MYBL1: variants seen among roughly 807,000 people sequenced by gnomAD.
MYBL1 encodes MYB proto-oncogene like 1, also known as myb-related protein A.
Under a neutral mutation model 96.3 loss-of-function variants are expected in MYBL1, and 17 were observed. The ratio of observed to expected loss-of-function variants is 0.18; its 90% CI spans 0.12 to 0.26. The LOEUF is 0.26. Among genes scored for constraint, MYBL1 ranks in the 10% least tolerant of loss-of-function variants. The pLI, the probability that MYBL1 is intolerant of heterozygous loss-of-function variation, is 1.00. For missense variants in MYBL1, 701 were observed against 882.9 expected (o/e 0.79, Z 2.61); for synonymous variants, 282 against 292.7 (o/e 0.96, Z 0.37).
intron 8 of MYBL1, among the ~76,000 whole-genome samples, chr8:66,582,043 A>G (rs1173735119): frequency 6.6e-6 from 1 of 152,206 alleles, no homozygotes; most frequent in African/African-American, 2.4e-5. Context: ...CAGGTACACA[A>G]AGGAGAAAGA....
Position 66,562,260 on chromosome 8 carries a change from TCACAAAACTCAATTTAGTCAGGG to T in MYBL1, c.*2414_*2436del, listed in dbSNP as rs1808364638. The T allele has an allele frequency of 6.6e-6, 1 of 152,634 alleles. No homozygotes were observed. The allele number at this position is 152,634 out of a possible 1,614,324, so 9.5% of individuals were successfully genotyped here. On this transcript the variant is annotated 3_prime_UTR_variant, in exon 16 of 16. Transcript: ENST00000522677. The stretch of plus-strand genomic sequence containing the variant: ...CTCTTACAATGAAGTTTTCCATATA[TCACAAAACTCAATTTAGTCAGGG>T]TAATTGCTGTATTAATGTGAAAACC...
chr8:66,588,346 C>G (rs1351649661), intron 8 of MYBL1, among the ~76,000 whole-genome samples: 1 of 148,636 alleles, frequency 6.7e-6, no homozygotes, highest in Non-Finnish European at 1.5e-5. Context: ...CTAGCCCGAT[C>G]TCAGCTCACT....
In MYBL1 at chr8:66,566,716, G is replaced by C. The variant is rs778541413; in HGVS notation, c.1918C>G (p.Gln640Glu). The change falls in exon 14 of 16, where the codon CAA (glutamine) becomes GAA (glutamate). Residue 640 changes from glutamine to glutamate, a missense_variant. Coordinates refer to ENST00000522677, the MANE Select transcript of MYBL1 (RefSeq NM_001080416.4). ...TCTGAAATGTCTTCAGTCAACAGTTGAGTGCCTGATTCTTCTTTTTCCCAA... is the reference window on the plus strand; with the variant it reads ...TCTGAAATGTCTTCAGTCAACAGTTCAGTGCCTGATTCTTCTTTTTCCCAA... ...DNWEKEESGT[Q>E]LLTEDISDMQ... 15 of 1,607,202 alleles carry C rather than the reference G, an allele frequency of 9.3e-6. No individual in the cohort carries two copies. The Admixed American group carries it at 2.5e-4, about 27-fold the overall frequency.
In MYBL1 at chr8:66,573,497, T is replaced by C. The variant is rs982241656; in HGVS notation, c.1480A>G (p.Thr494Ala). Residue 494 changes from threonine (T) to alanine (A), a missense_variant, in exon 11 of 16, where the codon ACA (threonine) becomes GCA (alanine). Physicochemically the swap from Thr to Ala is moderately conservative, Grantham distance 58. This residue lies in a region of MYBL1 where 396 missense variants were observed against 407.4 expected (regional missense o/e 0.97). Transcript: ENST00000522677. ...TTAAGTTGTTCATTACCAGGACATG[T>C]GTTGAAAAACTAGAAAGGGAAGAGA... is the stretch of plus-strand genomic sequence containing the variant. ...LPFSPSQFFN[T>A]CPGNEQLNIE... 1.2e-6 allele frequency: 2 copies of C among 1,601,226 alleles called. No homozygotes were observed. Among genetic ancestry groups the C allele is most frequent in the African/African-American group, 1.3e-5 (1 of 74,268 alleles).
At position 66,582,541 on chromosome 8, in the gene MYBL1, C is replaced by CAAAAA. The variant is rs34952299; in HGVS notation, c.868-2180_868-2176dup. ...GCAACATGGCAAAACTCCATCTCTA[C>CAAAAA]AAAAAAAAAAAAAAAAAAAAAAAAA... On this transcript the variant is annotated intron_variant, in intron 8 of 15. Transcript: ENST00000522677. Among the ~76,000 whole-genome samples the CAAAAA allele has an allele frequency of 2.3e-4, 11 of 48,266 alleles. 1 individual carries two copies. Among genetic ancestry groups the CAAAAA allele is most frequent in the African/African-American group, 7.3e-4 (9 of 12,346 alleles). The allele number at this position is 48,266 out of a possible 152,430, so 31.7% of individuals were successfully genotyped here.
chr8:66,582,240 A>G (rs1809240904), intron 8 of MYBL1, among the ~76,000 whole-genome samples: 1 of 152,106 alleles, frequency 6.6e-6, no homozygotes, highest in East Asian at 1.9e-4. Flanking sequence ...AAAGACATAG[A>G]CTAGCTGAAT....
chr8:66,584,879 A>G (rs1809351376), intron 8 of MYBL1, among the ~76,000 whole-genome samples: 1 of 152,164 alleles, frequency 6.6e-6, no homozygotes, highest in African/African-American at 2.4e-5. Context: ...CTGATAAAAA[A>G]AATTGAAGAG....
At chr8:66,568,924 T>C (rs1166154427) in intron 12 of MYBL1, among the ~76,000 whole-genome samples, 2 of 152,056 alleles carry the variant, frequency 1.3e-5, no homozygotes, top group Non-Finnish European at 2.9e-5. Context: ...CTTGGGAAGC[T>C]GAGGCAGGAG....
chr8:66,582,738 T>C (rs1366842445), intron 8 of MYBL1, among the ~76,000 whole-genome samples: 1 of 145,158 alleles, frequency 6.9e-6, no homozygotes, highest in Non-Finnish European at 1.5e-5. Context: ...AAAAAAACCC[T>C]ATAAAAAAAG....
chr8:66,600,682 A>C (rs1810032604), intron 3 of MYBL1, among the ~76,000 whole-genome samples: 1 of 152,190 alleles, frequency 6.6e-6, no homozygotes, highest in African/African-American at 2.4e-5. Context: ...TGACATTTGA[A>C]CATAATTCAA....
At chr8:66,604,529 G>C (rs569861378) in intron 1 of MYBL1, among the ~76,000 whole-genome samples, 1 of 151,308 alleles carries the variant, frequency 6.6e-6, no homozygotes, top group Non-Finnish European at 1.5e-5. Context: ...AAAAAAAGAT[G>C]GTGTCCTACT....
Position 66,566,099 on chromosome 8 carries a change from T to C in MYBL1, c.2095A>G (p.Thr699Ala). ...TLTKKKPNPNTSKVVKLEKNL... is the reference protein window; with the variant it reads ...TLTKKKPNPNASKVVKLEKNL... ...TTTTCCAATTTGACAACTTTGGAAG[T>C]GTTAGGGTTTGGTTTCTTTTTAGTA... The change falls in exon 15 of 16, where the codon ACT (threonine) becomes GCT (alanine). Residue 699 changes from threonine (T) to alanine (A), a missense_variant. Around this residue, in one of 5 missense-constraint regions of MYBL1, gnomAD observed 137 missense variants for 137.5 expected, o/e 1.00. Transcript: ENST00000522677. The C allele has an allele frequency of 1.3e-6, 2 of 1,540,032 alleles. No homozygotes were observed. The highest frequency in any genetic ancestry group is 1.4e-5 in the African/African-American group (1 of 72,712).
At chr8:66,573,224 AAAC>A (rs1451535708) in intron 11 of MYBL1, 137 bp downstream of exon 11, 1 of 854,316 alleles carries the variant, frequency 1.2e-6, no homozygotes, top group Non-Finnish European at 1.6e-6. Context: ...CAAACAAACA[AAAC>A]AAAACAAAAC....
chr8:66,600,711 G>A (rs1810034380), intron 3 of MYBL1, among the ~76,000 whole-genome samples: 1 of 152,090 alleles, frequency 6.6e-6, no homozygotes, highest in Non-Finnish European at 1.5e-5. Context: ...CAAAATTTAT[G>A]CTCTTTCCAT....
At chr8:66,575,229 A>G (rs1341384730) in intron 10 of MYBL1, among the ~76,000 whole-genome samples, 1 of 151,754 alleles carries the variant, frequency 6.6e-6, no homozygotes, top group Non-Finnish European at 1.5e-5. Context: ...ACAGTAAGCA[A>G]TTATCTAAGT....
intron 8 of MYBL1, among the ~76,000 whole-genome samples, chr8:66,588,319 G>A (rs900213345): frequency 1.1e-4 from 15 of 140,474 alleles, no homozygotes; most frequent in East Asian, 2.1e-4. Context: ...TCACTCTGTC[G>A]TCCAGGCTGG....
chr8:66,578,282 A>G (rs1809051123), intron 9 of MYBL1, among the ~76,000 whole-genome samples: 2 of 150,170 alleles, frequency 1.3e-5, no homozygotes, highest in Non-Finnish European at 3.0e-5. Context: ...CTACCATCAG[A>G]GTGAACAGGC....
At position 66,562,231 on chromosome 8, in the gene MYBL1, G is replaced by C. The variant is rs1440091855; in HGVS notation, c.*2466C>G. 1 of 152,616 alleles carries C rather than the reference G, an allele frequency of 6.6e-6. No homozygotes were observed. The highest frequency in any genetic ancestry group is 2.4e-5 in the African/African-American group (1 of 41,442). The allele number at this position is 152,616 out of a possible 1,614,324, so 9.5% of individuals were successfully genotyped here. A position where few individuals can be genotyped will look rare whatever the true frequency, so the allele number is the denominator to read the frequency against. On this transcript the variant is annotated 3_prime_UTR_variant, in exon 16 of 16. Transcript: ENST00000522677. The stretch of plus-strand genomic sequence containing the variant: ...GTTAATATGTCAACATTGTATGCAA[G>C]ATTCTCTTACAATGAAGTTTTCCAT...
chr8:66,602,402 C>A lies in MYBL1; in HGVS notation c.126+16G>T. ...AAATACATGTAAGAAACTATGAAACCTTGTCAGATAATTACCTCGTCCCTT... is the reference window on the plus strand; with the variant it reads ...AAATACATGTAAGAAACTATGAAACATTGTCAGATAATTACCTCGTCCCTT... On this transcript the variant is annotated intron_variant, in intron 2 of 15. Coordinates refer to ENST00000522677, the MANE Select transcript of MYBL1 (RefSeq NM_001080416.4). 1.3e-6 allele frequency: 2 copies of A among 1,540,496 alleles called. No individual in the cohort carries two copies. Among genetic ancestry groups the A allele is most frequent in the Non-Finnish European group, 1.8e-6 (2 of 1,130,852 alleles).
Sources: gnomAD v4.1 joint callset for allele counts (sites outside exome capture counted in the v4.1 genomes callset) on GRCh38, gnomAD v4.1.1 for gene constraint, gnomAD v4.1.1 regional missense constraint, MANE v1.5 for transcripts, NCBI Gene and HGNC (gene_info 2026-07-23, HGNC 2026-07-21) for gene names.